SLC17A1: variants seen among roughly 807,000 people sequenced by gnomAD.
SLC17A1 encodes solute carrier family 17 member 1.
SLC17A1 carries 51 observed loss-of-function variants against 53.5 expected under a neutral mutation model. That is an observed-to-expected ratio of 0.95 (90% CI 0.76 to 1.20). The LOEUF is 1.20. Ranked by LOEUF, SLC17A1 falls within the 50% of genes most tolerant of loss-of-function variation. The probability of loss-of-function intolerance (pLI) is 0.00; values close to 1 mark genes in which losing one functional copy is unlikely to be tolerated. For missense variants in SLC17A1, 538 were observed against 568.2 expected, an observed-to-expected ratio of 0.95 and a Z score of 0.54; for synonymous variants, 179 against 198.8, an observed-to-expected ratio of 0.90 and a Z score of 0.84.
Position 25,794,933 on chromosome 6 carries a change from C to T in SLC17A1, c.*2+3850G>A, listed in dbSNP as rs149264729. Reference sequence around the variant, plus strand: ...TACAAGGCAAAGTTGTAAGGTAACCCGCTTTGCAGCAGTGTGTCAGTTTGA... The same window carrying T: ...TACAAGGCAAAGTTGTAAGGTAACCTGCTTTGCAGCAGTGTGTCAGTTTGA... On this transcript the variant is annotated intron_variant, in intron 12 of 12. Transcript: ENST00000244527. 1.5e-3 allele frequency among the ~76,000 whole-genome samples: 221 copies of T among 152,296 alleles called. 1 individual carries two copies. Among genetic ancestry groups the T allele is most frequent in the African/African-American group, 4.8e-3 (200 of 41,564 alleles).
intron 12 of SLC17A1, among the ~76,000 whole-genome samples, chr6:25,797,892 C>A (rs2151478993): frequency 6.6e-6 from 1 of 152,260 alleles, no homozygotes; most frequent in Admixed American, 6.5e-5. Flanking sequence ...TTATTAAAGA[C>A]CCTGAGCCTT....
chr6:25,727,016 GGA>G, the SLC17A1 span: 7 of 1,614,078 alleles, frequency 4.3e-6, no homozygotes, highest in Non-Finnish European at 5.9e-6. Flanking sequence ...GGACCCGTAA[GGA>G]GAGTTATTCT....
the SLC17A1 span, among the ~76,000 whole-genome samples, chr6:25,753,516 A>G: frequency 1.3e-5 from 2 of 152,174 alleles, no homozygotes; most frequent in Non-Finnish European, 1.5e-5. Flanking sequence ...GTAAATAATC[A>G]TTTTATTTAC....
At position 25,798,915 on chromosome 6, in the gene SLC17A1, G is replaced by A. The variant is rs910349190; in HGVS notation, c.1274C>T (p.Pro425Leu). Reference protein sequence around the residue: ...TLTGLILKQDPESAWFKTFIL... With the variant: ...TLTGLILKQDLESAWFKTFIL... ...GAAGGTTTTAAACCAGGCGGATTCC[G>A]GATCCTAAGGAATTAAAATTCAAAG... is the stretch of plus-strand genomic sequence containing the variant. Residue 425 changes from proline (P) to leucine (L), a missense_variant, in exon 12 of 13, where the codon CCG (proline) becomes CTG (leucine). Physicochemically the swap from Pro to Leu is moderately conservative, Grantham distance 98 (BLOSUM62 -3). Transcript: ENST00000244527. 9 of 1,557,054 alleles carry A rather than the reference G, an allele frequency of 5.8e-6. No individual in the cohort carries two copies. Among genetic ancestry groups the A allele is most frequent in the Middle Eastern group, 3.4e-4 (2 of 5,828 alleles).
intron 6 of SLC17A1, 108 bp from the exon 7 acceptor site, chr6:25,813,321 CT>C (rs2151493291): frequency 1.1e-6 from 1 of 881,598 alleles, no homozygotes; most frequent in African/African-American, 1.7e-5. Flanking sequence ...CCTCCTCTTT[CT>C]TTTTTGAAAC....
the SLC17A1 span, among the ~76,000 whole-genome samples, chr6:25,736,411 A>G: frequency 6.6e-6 from 1 of 152,162 alleles, no homozygotes. Context: ...CATTTCGGTG[A>G]GATTAAATGG....
the SLC17A1 span, among the ~76,000 whole-genome samples, chr6:25,763,370 A>C: frequency 2.6e-5 from 4 of 152,226 alleles, no homozygotes; most frequent in Non-Finnish European, 5.9e-5. Context: ...TCCAAGCCTT[A>C]CCAAGTTATT....
chr6:25,829,717 C>T (rs1764878537), intron 2 of SLC17A1, among the ~76,000 whole-genome samples: 1 of 151,884 alleles, frequency 6.6e-6, no homozygotes, highest in South Asian at 2.1e-4. Flanking sequence ...AAGAATACCG[C>T]ATATCAAACT....
the SLC17A1 span, among the ~76,000 whole-genome samples, chr6:25,761,408 G>C: frequency 6.6e-6 from 1 of 152,146 alleles, no homozygotes; most frequent in Non-Finnish European, 1.5e-5. Context: ...CACTGAAATT[G>C]ATGCTTCTGT....
intron 12 of SLC17A1, among the ~76,000 whole-genome samples, chr6:25,797,703 G>A (rs1763631490): frequency 6.6e-6 from 1 of 151,596 alleles, no homozygotes; most frequent in East Asian, 1.9e-4. Context: ...GAGTTCAAGA[G>A]ATTCTCCTGC....
At chr6:25,767,289 T>C in the SLC17A1 span, among the ~76,000 whole-genome samples, 5 of 152,108 alleles carry the variant, frequency 3.3e-5, no homozygotes, top group African/African-American at 1.2e-4. Context: ...GCTAGCAAAA[T>C]ACATCATGTT....
At chr6:25,795,661 C>T (rs531122754) in intron 12 of SLC17A1, among the ~76,000 whole-genome samples, 1 of 151,828 alleles carries the variant, frequency 6.6e-6, no homozygotes, top group Admixed American at 6.6e-5. Flanking sequence ...ATGCCCTCTG[C>T]AAGAAAAACA....
At chr6:25,803,310 A>C (rs1461523440) in intron 10 of SLC17A1, among the ~76,000 whole-genome samples, 1 of 152,006 alleles carries the variant, frequency 6.6e-6, no homozygotes, top group Non-Finnish European at 1.5e-5. Context: ...TCTAGCACTG[A>C]GTTTGTGTAG....
chr6:25,774,367 G>A, the SLC17A1 span, among the ~76,000 whole-genome samples: 2 of 152,164 alleles, frequency 1.3e-5, no homozygotes, highest in African/African-American at 4.8e-5. Flanking sequence ...CAAAGCCAGT[G>A]TTATTCTTGT....
chr6:25,810,882 C>A (rs1212291942), intron 10 of SLC17A1, among the ~76,000 whole-genome samples: 1 of 152,024 alleles, frequency 6.6e-6, no homozygotes, highest in Admixed American at 6.6e-5. Context: ...AATGGCATAA[C>A]AAACATGTGG....
the SLC17A1 span, among the ~76,000 whole-genome samples, chr6:25,744,821 C>G: frequency 0.27 from 41,312 of 151,940 alleles, 6,828 homozygotes; most frequent in East Asian, 0.7. Context: ...TGGAGAAAAT[C>G]TTAATAATGT....
the SLC17A1 span, chr6:25,770,991 C>A: frequency 3.2e-5 from 52 of 1,613,614 alleles, no homozygotes; most frequent in African/African-American, 1.3e-5. Context: ...CATAGGATGG[C>A]CTTACGTCTT....
chr6:25,785,927 C>T (rs529349396), intron 12 of SLC17A1, among the ~76,000 whole-genome samples: 12 of 152,228 alleles, frequency 7.9e-5, no homozygotes, highest in African/African-American at 2.2e-4. Context: ...TCCCTCAAAA[C>T]GTTAAACCTA....
At chr6:25,816,704 A>T (rs1162367322) in intron 6 of SLC17A1, among the ~76,000 whole-genome samples, 1 of 152,278 alleles carries the variant, frequency 6.6e-6, no homozygotes, top group African/African-American at 2.4e-5. Flanking sequence ...CAATGGGTAC[A>T]GACAGATTAT....
Sources: allele counts gnomAD v4.1 joint callset (sites outside exome capture counted in the v4.1 genomes callset), GRCh38; gene constraint gnomAD v4.1.1; transcripts MANE v1.5; gene names NCBI Gene and HGNC (gene_info 2026-07-23, HGNC 2026-07-21).